Variants in NEK10 observed in about 807,000 individuals in gnomAD.
NEK10 encodes serine/threonine-protein kinase Nek10.
A neutral mutation model predicts 159.8 loss-of-function variants in NEK10; 122 were observed. The ratio of observed to expected loss-of-function variants is 0.76; its 90% CI spans 0.66 to 0.89. The LOEUF (loss-of-function observed/expected upper bound fraction) is 0.89. Among genes scored for constraint, NEK10 ranks in the 40% least tolerant of loss-of-function variants. The pLI, the probability that NEK10 is intolerant of heterozygous loss-of-function variation, is 0.00. For missense variants in NEK10, 1,342 were observed against 1,323.1 expected (o/e 1.01, Z -0.22); for synonymous variants, 466 against 457.1 (o/e 1.02, Z -0.25).
intron 26 of NEK10, among the ~76,000 whole-genome samples, chr3:27,182,842 A>C (rs1948253775): frequency 6.6e-6 from 1 of 152,098 alleles, no homozygotes. Flanking sequence ...GAGAAATACA[A>C]AATGTTCCTA....
intron 28 of NEK10, among the ~76,000 whole-genome samples, chr3:27,172,337 A>G (rs1431599162): frequency 4.4e-3 from 391 of 88,958 alleles, no homozygotes; most frequent in African/African-American, 0.013. Flanking sequence ...CCGTCTCAAA[A>G]AAAAAAAAAA....
intron 30 of NEK10, among the ~76,000 whole-genome samples, 180 bp from the exon 31 acceptor site, chr3:27,141,762 T>C (rs564877779): frequency 6.6e-6 from 1 of 152,310 alleles, no homozygotes; most frequent in South Asian, 2.1e-4. Context: ...ATATCTTCCC[T>C]TTACTTCTCA....
chr3:27,266,120 T>A (rs2040873487), intron 22 of NEK10, among the ~76,000 whole-genome samples: 1 of 152,200 alleles, frequency 6.6e-6, no homozygotes, highest in South Asian at 2.1e-4. Context: ...TTTGCAAATA[T>A]TTTCTACTAG....
At chr3:27,130,220 A>T in intron 32 of NEK10, among the ~76,000 whole-genome samples, 1 of 152,164 alleles carries the variant, frequency 6.6e-6, no homozygotes, top group Admixed American at 6.6e-5. Context: ...TTTATAGGAG[A>T]GTATAATCTG....
At position 27,331,262 on chromosome 3, in the gene NEK10, A is replaced by AAC. The variant is rs1553639047; in HGVS notation, c.363-9003_363-9002dup. ...CAAAAAAAAAAAAACAAAAAAAAAA[A>AAC]ACACACAAACCTAAGACTTTTGAGG... On this transcript the variant is annotated intron_variant, in intron 5 of 35. Coordinates refer to ENST00000691995, the MANE Select transcript of NEK10 (RefSeq NM_001394966.1). 2.8e-3 allele frequency among the ~76,000 whole-genome samples: 309 copies of AAC among 110,024 alleles called. 13 individuals are homozygous for AAC. Among genetic ancestry groups the AAC allele is most frequent in the Middle Eastern group, 6.8e-3 (1 of 148 alleles). 72.2% of individuals were successfully genotyped at this position (110,024 alleles called of 152,430 possible).
chr3:27,191,449 T>C (rs1163943061), intron 26 of NEK10, among the ~76,000 whole-genome samples: 2 of 152,232 alleles, frequency 1.3e-5, no homozygotes, highest in African/African-American at 2.4e-5. Flanking sequence ...CTGGCACCAT[T>C]GCTTGCACAT....
chr3:27,221,673 G>A (rs1273295275), intron 23 of NEK10, among the ~76,000 whole-genome samples: 1 of 152,220 alleles, frequency 6.6e-6, no homozygotes, highest in Non-Finnish European at 1.5e-5. Flanking sequence ...GACCTCATTG[G>A]GGGAAACTGC....
intron 30 of NEK10, among the ~76,000 whole-genome samples, chr3:27,145,127 T>C (rs977370085): frequency 1.4e-5 from 2 of 143,354 alleles, no homozygotes; most frequent in Non-Finnish European, 3.1e-5. Flanking sequence ...ACTTTCTGAC[T>C]GTTCACCAAA....
intron 6 of NEK10, among the ~76,000 whole-genome samples, chr3:27,316,466 T>TG (rs1299161553): frequency 6.6e-6 from 1 of 152,084 alleles, no homozygotes; most frequent in African/African-American, 2.4e-5. Flanking sequence ...GACTCTATTT[T>TG]GGACATACTG....
intron 1 of NEK10, among the ~76,000 whole-genome samples, chr3:27,356,900 T>A (rs2149848296): frequency 6.6e-6 from 1 of 152,330 alleles, no homozygotes; most frequent in East Asian, 1.9e-4. Context: ...TCCACAAATA[T>A]GTCCCTGACA....
intron 22 of NEK10, among the ~76,000 whole-genome samples, chr3:27,257,162 C>T (rs1475208044): frequency 6.6e-6 from 1 of 152,192 alleles, no homozygotes; most frequent in African/African-American, 2.4e-5. Flanking sequence ...GATCCACCTG[C>T]CTTGGCCTCT....
intron 23 of NEK10, among the ~76,000 whole-genome samples, chr3:27,220,567 A>G (rs536395791): frequency 6.2e-4 from 93 of 150,896 alleles, no homozygotes; most frequent in African/African-American, 2.1e-3. Context: ...GAATGTAGAC[A>G]TCTTGCGGGG....
intron 1 of NEK10, among the ~76,000 whole-genome samples, chr3:27,366,226 A>T (rs1456830686): frequency 6.6e-6 from 1 of 152,172 alleles, no homozygotes; most frequent in African/African-American, 2.4e-5. Flanking sequence ...TGAGGTGCAG[A>T]AAGATTAAGT....
chr3:27,361,227 G>C (rs901198755), intron 1 of NEK10, among the ~76,000 whole-genome samples: 1 of 152,086 alleles, frequency 6.6e-6, no homozygotes, highest in African/African-American at 2.4e-5. Context: ...AGGTTCTGTG[G>C]ATCCCCTCCA....
intron 23 of NEK10, among the ~76,000 whole-genome samples, chr3:27,221,498 T>G (rs1391267345): frequency 6.6e-6 from 1 of 152,230 alleles, no homozygotes; most frequent in Non-Finnish European, 1.5e-5. Context: ...CTTCACATAT[T>G]CCTGGTAGAA....
rs760096382 is a variant in NEK10 at position 27,346,209 on chromosome 3, G to T, written c.140C>A (p.Ala47Asp). Residue 47 changes from alanine (A) to aspartate (D), a missense_variant, in exon 4 of 36, where the codon GCC (alanine) becomes GAC (aspartate). Transcript: ENST00000691995. ...ATTTTGGGCACTATCGAAGTTAATG[G>T]CTGGAAGCTACAGAAATAGAAGCAT... ...NVQSSKQQLP[A>D]INFDSAQNSM... 8 of 1,613,512 alleles carry T rather than the reference G, an allele frequency of 5.0e-6. No individual in the cohort carries two copies. Among genetic ancestry groups the T allele is most frequent in the Admixed American group, 3.3e-5 (2 of 59,970 alleles).
intron 35 of NEK10, among the ~76,000 whole-genome samples, chr3:27,113,585 C>A (rs371664078): frequency 1.3e-5 from 2 of 151,936 alleles, no homozygotes; most frequent in African/African-American, 2.4e-5. Flanking sequence ...TTTCATCATA[C>A]CTTCATAATA....
In NEK10 at chr3:27,282,548, A is replaced by ATATATATATATATACACATAACTGTGT. The variant is rs2042249469; in HGVS notation, c.2014+2053_2014+2054insACACAGTTATGTGTATATATATATATA. Among the ~76,000 whole-genome samples, 21 of 100,556 alleles carry ATATATATATATATACACATAACTGTGT rather than the reference A, an allele frequency of 2.1e-4. 6 individuals carry two copies. Among genetic ancestry groups the ATATATATATATATACACATAACTGTGT allele is most frequent in the African/African-American group, 8.0e-4 (20 of 24,996 alleles). 66.0% of individuals were successfully genotyped at this position (100,556 alleles called of 152,430 possible). Reference sequence around the variant, plus strand: ...ATATACATAAATGTGTTATATATATATATATATATATACATAACTGTGTTA... The same window carrying ATATATATATATATACACATAACTGTGT: ...ATATACATAAATGTGTTATATATATATATATATATATATACACATAACTGTGTTATATATATATACATAACTGTGTTA... On this transcript the variant is annotated intron_variant, in intron 22 of 35. Transcript: ENST00000691995.
At chr3:27,297,120 CA>C in intron 14 of NEK10, 58 bp downstream of exon 14, 1 of 1,078,738 alleles carries the variant, frequency 9.3e-7, no homozygotes, top group Non-Finnish European at 1.4e-6. Flanking sequence ...GACTGCACCA[CA>C]AGGTGAGTTG....
Sources: gnomAD v4.1 joint callset for allele counts (sites outside exome capture counted in the v4.1 genomes callset) on GRCh38, gnomAD v4.1.1 for gene constraint, MANE v1.5 for transcripts, NCBI Gene and HGNC (gene_info 2026-07-23, HGNC 2026-07-21) for gene names.